The following NKAIN2 variants were observed in gnomAD, a reference collection of about 807,000 sequenced individuals.
NKAIN2 encodes the protein sodium/potassium-transporting ATPase subunit beta-1-interacting protein 2.
Under a neutral mutation model 32.6 loss-of-function variants are expected in NKAIN2, and 14 were observed. The observed-to-expected ratio is 0.43, with a 90% CI of 0.28 to 0.67. NKAIN2 has a LOEUF of 0.67. Among genes scored for constraint, NKAIN2 ranks in the 30% least tolerant of loss-of-function variants. The pLI, the probability that NKAIN2 is intolerant of heterozygous loss-of-function variation, is 0.17. For synonymous variants in NKAIN2, 80 were observed against 87.2 expected, an observed-to-expected ratio of 0.92 and a Z score of 0.46; for missense variants, 198 against 258.3, an observed-to-expected ratio of 0.77 and a Z score of 1.60.
intron 1 of NKAIN2, among the ~76,000 whole-genome samples, chr6:124,178,375 G>A (rs1471545484): frequency 6.6e-6 from 1 of 150,660 alleles, no homozygotes; most frequent in African/African-American, 2.5e-5. Context: ...TAGGCTCACT[G>A]CAAGCTCCGC....
chr6:124,474,909 A>G (rs970683220), intron 3 of NKAIN2, among the ~76,000 whole-genome samples: 25 of 146,690 alleles, frequency 1.7e-4, no homozygotes, highest in African/African-American at 4.0e-4. Flanking sequence ...ATCATATTAT[A>G]TACTATATAT....
At chr6:124,036,642 C>T (rs533723035) in intron 1 of NKAIN2, among the ~76,000 whole-genome samples, 65 of 152,176 alleles carry the variant, frequency 4.3e-4, no homozygotes, top group African/African-American at 1.4e-3. Flanking sequence ...CCTTTACAAA[C>T]AAAATATTTT....
rs145428296 is a variant in NKAIN2, at chr6:124,756,935, G to A, written c.475-34404G>A. ...TTTTAGTATTTAATATGGCTCTCAT[G>A]TAGTTTTCAGTCTTTTTTTACAGGT... On this transcript the variant is annotated intron_variant, in intron 4 of 6. Coordinates refer to ENST00000368417, the MANE Select transcript of NKAIN2 (RefSeq NM_001040214.3). 3.8e-3 allele frequency among the ~76,000 whole-genome samples: 577 copies of A among 152,122 alleles called. 2 individuals carry two copies. The highest frequency in any genetic ancestry group is 0.012 in the African/African-American group (505 of 41,530).
chr6:123,857,812 T>G lies in NKAIN2; in HGVS notation c.54+53558T>G. On this transcript the variant is annotated intron_variant, in intron 1 of 6. Transcript: ENST00000368417. The stretch of plus-strand genomic sequence containing the variant: ...ACACTGCAGGCCAGAAGATCAAAGC[T>G]TATGCTTTCATAATATCATTTAACC... 1.3e-5 allele frequency among the ~76,000 whole-genome samples: 2 copies of G among 151,858 alleles called. 1 individual carries two copies. Among genetic ancestry groups the G allele is most frequent in the Non-Finnish European group, 3.0e-5 (2 of 67,782 alleles).
At chr6:124,061,282 A>C (rs1782908504) in intron 1 of NKAIN2, among the ~76,000 whole-genome samples, 1 of 152,086 alleles carries the variant, frequency 6.6e-6, no homozygotes, top group Admixed American at 6.6e-5. Context: ...TGACATTCTC[A>C]AAGGTGTTTT....
In NKAIN2 at chr6:124,281,250, G is replaced by A. The variant is rs577956592; in HGVS notation, c.55-1755G>A. Among the ~76,000 whole-genome samples, 35 of 152,214 alleles carry A rather than the reference G, an allele frequency of 2.3e-4. 1 individual carries two copies. In the South Asian group the frequency reaches 3.3e-3, roughly 14 times the overall value. Reference sequence around the variant, plus strand: ...TCACTATTTATTCATAAAATAAGGCGGAGAGGGTTCTATGTTGAAATGAAC... The same window carrying A: ...TCACTATTTATTCATAAAATAAGGCAGAGAGGGTTCTATGTTGAAATGAAC... On this transcript the variant is annotated intron_variant, in intron 1 of 6. Transcript: ENST00000368417.
At chr6:124,417,627 A>T (rs1774555641) in intron 3 of NKAIN2, among the ~76,000 whole-genome samples, 1 of 152,166 alleles carries the variant, frequency 6.6e-6, no homozygotes, top group African/African-American at 2.4e-5. Context: ...GAGATTAAAA[A>T]TCTTTGTATC....
intron 4 of NKAIN2, among the ~76,000 whole-genome samples, chr6:124,770,503 T>G (rs1281849919): frequency 6.6e-6 from 1 of 152,202 alleles, no homozygotes; most frequent in East Asian, 1.9e-4. Context: ...TGGAGAGAGA[T>G]ATTAAGGGTT....
At chr6:124,769,521 A>C (rs1778657870) in intron 4 of NKAIN2, among the ~76,000 whole-genome samples, 2 of 152,180 alleles carry the variant, frequency 1.3e-5, no homozygotes, top group African/African-American at 4.8e-5. Context: ...ATTCATCTGT[A>C]GAGTGGAAAT....
chr6:124,770,836 C>A (rs766348043), intron 4 of NKAIN2, among the ~76,000 whole-genome samples: 18 of 152,216 alleles, frequency 1.2e-4, no homozygotes, highest in African/African-American at 2.6e-4. Flanking sequence ...CTCATGAGAG[C>A]TTTCTTTCCA....
intron 1 of NKAIN2, among the ~76,000 whole-genome samples, chr6:123,990,198 A>C (rs1329007754): frequency 6.6e-6 from 1 of 152,160 alleles, no homozygotes; most frequent in East Asian, 1.9e-4. Context: ...AGTTACCTCT[A>C]CCTGGTCCCA....
intron 1 of NKAIN2, among the ~76,000 whole-genome samples, chr6:123,923,834 T>C (rs1389356016): frequency 1.3e-5 from 2 of 149,406 alleles, no homozygotes; most frequent in Admixed American, 1.3e-4. Context: ...GAGATATACC[T>C]AATGCTAGAT....
intron 1 of NKAIN2, among the ~76,000 whole-genome samples, chr6:123,913,989 C>G (rs1228428635): frequency 6.6e-6 from 1 of 152,098 alleles, no homozygotes; most frequent in Non-Finnish European, 1.5e-5. Flanking sequence ...TATATTACCT[C>G]ATTTCATCTT....
At chr6:124,243,100 G>C (rs1793200849) in intron 1 of NKAIN2, among the ~76,000 whole-genome samples, 1 of 151,622 alleles carries the variant, frequency 6.6e-6, no homozygotes, top group Non-Finnish European at 1.5e-5. Flanking sequence ...GCACAGATTT[G>C]TCATAAGAGA....
intron 3 of NKAIN2, among the ~76,000 whole-genome samples, chr6:124,392,804 G>A (rs903929408): frequency 6.6e-6 from 1 of 152,110 alleles, no homozygotes; most frequent in African/African-American, 2.4e-5. Flanking sequence ...GTGAAAGGCT[G>A]GAGGTCTTAT....
chr6:124,683,888 A>G (rs546143227), intron 4 of NKAIN2, among the ~76,000 whole-genome samples: 5 of 152,212 alleles, frequency 3.3e-5, no homozygotes, highest in Non-Finnish European at 7.3e-5. Context: ...ATATTGTGGA[A>G]AGTTGAGGCT....
intron 4 of NKAIN2, among the ~76,000 whole-genome samples, chr6:124,725,750 T>C (rs1003129171): frequency 6.6e-6 from 1 of 152,080 alleles, no homozygotes; most frequent in African/African-American, 2.4e-5. Flanking sequence ...GCTCCCAGTG[T>C]GAGCGACGCA....
chr6:124,100,379 T>G (rs1050422915), intron 1 of NKAIN2, among the ~76,000 whole-genome samples: 3 of 152,234 alleles, frequency 2.0e-5, no homozygotes, highest in Admixed American at 6.5e-5. Flanking sequence ...TACACAGATA[T>G]GATTTTTCTT....
chr6:124,808,987 A>G (rs1201876485), intron 5 of NKAIN2, among the ~76,000 whole-genome samples: 3 of 152,232 alleles, frequency 2.0e-5, no homozygotes, highest in Non-Finnish European at 4.4e-5. Context: ...TAAAGAGGAT[A>G]CAAACAAATG....
Sources: allele counts gnomAD v4.1 joint callset (sites outside exome capture counted in the v4.1 genomes callset), GRCh38; gene constraint gnomAD v4.1.1; transcripts MANE v1.5; gene names NCBI Gene and HGNC (gene_info 2026-07-23, HGNC 2026-07-21).